RSRP1: variants seen among roughly 807,000 people sequenced by gnomAD.
The protein encoded by RSRP1 is arginine and serine rich protein 1, also known as arginine/serine-rich protein 1.
A neutral mutation model predicts 33.0 loss-of-function variants in RSRP1; 37 were observed. That is an observed-to-expected ratio of 1.12 (90% CI 0.86 to 1.48). The LOEUF is 1.48. RSRP1 is among the 40% of genes most tolerant of loss of function. The pLI is 0.00. For synonymous variants in RSRP1, 167 were observed against 158.7 expected (o/e 1.05, Z -0.40); for missense variants, 402 against 385.3 (o/e 1.04, Z -0.36).
rs1284797643 is a variant in RSRP1, at chr1:25,314,589, C to G, written c.-67+23389G>C. On this transcript the variant is annotated intron_variant, in intron 1 of 1. Coordinates refer to the RSRP1 transcript ENST00000561867. The stretch of plus-strand genomic sequence containing the variant: ...GCCCACTACAACCTCTGCCTCCCAG[C>G]TTCAAGCAATTCTCATACTTCATCC... 4.5e-5 allele frequency among the ~76,000 whole-genome samples: 6 copies of G among 132,898 alleles called. 1 individual carries two copies. Among genetic ancestry groups the G allele is most frequent in the South Asian group, 4.6e-4 (2 of 4,360 alleles). The allele number at this position is 132,898 out of a possible 152,430, so 87.2% of individuals were successfully genotyped here. A position where few individuals can be genotyped will look rare whatever the true frequency, so the allele number is the denominator to read the frequency against.
chr1:25,253,412 G>A (rs188192577), intron 1 of RSRP1: 143 of 152,480 alleles, frequency 9.4e-4, no homozygotes, highest in Non-Finnish European at 1.6e-3. Context: ...CGCTCTTATT[G>A]CCCAGGCTGC....
rs1487172949 is a variant in RSRP1 at position 25,301,715 on chromosome 1, C to T, written c.-67+36263G>A. On this transcript the variant is annotated intron_variant, in intron 1 of 1. Coordinates refer to the RSRP1 transcript ENST00000561867. ...AGCAGGGCGCTGCCCTTGGGCAGCACTTGGGTCTAACAGGACTAGCACACA... is the reference window on the plus strand; with the variant it reads ...AGCAGGGCGCTGCCCTTGGGCAGCATTTGGGTCTAACAGGACTAGCACACA... 7.0e-5 allele frequency: 96 copies of T among 1,363,520 alleles called. 25 individuals carry two copies. The highest frequency in any genetic ancestry group is 9.7e-5 in the Non-Finnish European group (94 of 965,110). The allele number at this position is 1,363,520 out of a possible 1,614,324, so 84.5% of individuals were successfully genotyped here.
upstream of RSRP1, chr1:25,247,879 G>A (rs1639613913): frequency 6.6e-6 from 1 of 152,484 alleles, no homozygotes; most frequent in South Asian, 2.1e-4. Context: ...CTCGGAGCTG[G>A]GGCCGTCTGA....
At chr1:25,294,000 T>G (rs561936968) in intron 1 of RSRP1, among the ~76,000 whole-genome samples, 1 of 132,052 alleles carries the variant, frequency 7.6e-6, no homozygotes, top group South Asian at 2.3e-4. Context: ...CTCTCAAACC[T>G]TTTCCTCAAA....
Position 25,331,005 on chromosome 1 carries a change from C to T in RSRP1, c.-67+6973G>A, listed in dbSNP as rs1485422243. ...TTGAGACAGAGTCTCGCTCTATCGCCCAGGCTGGAGTGCAGTGGCCCGATG... is the reference window on the plus strand; with the variant it reads ...TTGAGACAGAGTCTCGCTCTATCGCTCAGGCTGGAGTGCAGTGGCCCGATG... On this transcript the variant is annotated intron_variant, in intron 1 of 1. Coordinates refer to the RSRP1 transcript ENST00000561867. Among the ~76,000 whole-genome samples, 8 of 105,632 alleles carry T rather than the reference C, an allele frequency of 7.6e-5. 1 individual carries two copies. The highest frequency in any genetic ancestry group is 1.8e-4 in the Non-Finnish European group (8 of 44,536). 69.3% of individuals were successfully genotyped at this position (105,632 alleles called of 152,430 possible).
In RSRP1 at chr1:25,311,858, G is replaced by T. The variant is rs1229143931; in HGVS notation, c.-67+26120C>A. ...CACTAATTTTGCAGGTGTGCAGAATGCAAAAGCTGAGGGGGCATGCCTTCT... is the reference window on the plus strand; with the variant it reads ...CACTAATTTTGCAGGTGTGCAGAATTCAAAAGCTGAGGGGGCATGCCTTCT... On this transcript the variant is annotated intron_variant, in intron 1 of 1. Coordinates refer to the RSRP1 transcript ENST00000561867. Among the ~76,000 whole-genome samples the T allele has an allele frequency of 2.3e-5, 3 of 131,486 alleles. 1 individual carries two copies. Among genetic ancestry groups the T allele is most frequent in the Non-Finnish European group, 5.4e-5 (3 of 55,954 alleles). The allele number at this position is 131,486 out of a possible 152,430, so 86.3% of individuals were successfully genotyped here.
intron 1 of RSRP1, among the ~76,000 whole-genome samples, chr1:25,317,645 A>C (rs1644484096): frequency 7.4e-5 from 1 of 13,454 alleles, no homozygotes; most frequent in South Asian, 1.6e-3. Context: ...GTGTTCTTTT[A>C]GGGGGGTGGT....
Position 25,293,919 on chromosome 1 carries a change from TAAG to T in RSRP1, c.-67+44056_-67+44058del, listed in dbSNP as rs1008702098. Among the ~76,000 whole-genome samples, 38 of 132,040 alleles carry T rather than the reference TAAG, an allele frequency of 2.9e-4. 8 individuals are homozygous for T. Among genetic ancestry groups the T allele is most frequent in the African/African-American group, 8.6e-4 (33 of 38,422 alleles). 86.6% of individuals were successfully genotyped at this position (132,040 alleles called of 152,430 possible). ...ATGTTTAGTTATATTGTGAGTCTTA[TAAG>T]AAGCTGGGAGGCAACCCCATTAACT... On this transcript the variant is annotated intron_variant, in intron 1 of 1. Coordinates refer to the RSRP1 transcript ENST00000561867.
Position 25,242,472 on chromosome 1 carries a change from T to C in RSRP1, c.*117A>G, listed in dbSNP as rs1638913706. On this transcript the variant is annotated 3_prime_UTR_variant, in exon 5 of 5. Transcript: ENST00000243189. ...TGTTAAGTATTTACATCTTTTTGTG[T>C]TGGTTTTTAAATGCACAAGTACCCC... 2 of 645,422 alleles carry C rather than the reference T, an allele frequency of 3.1e-6. No homozygotes were observed. Among genetic ancestry groups the C allele is most frequent in the South Asian group, 4.2e-5 (2 of 47,374 alleles). The allele number at this position is 645,422 out of a possible 1,614,324, so 40.0% of individuals were successfully genotyped here. A position where few individuals can be genotyped will look rare whatever the true frequency, so the allele number is the denominator to read the frequency against.
intron 3 of RSRP1, chr1:25,244,058 C>CA: frequency 9.5e-7 from 1 of 1,055,952 alleles, no homozygotes. Flanking sequence ...TTAGATACAG[C>CA]ATTTTTTTTT....
rs1416601051 is a variant in RSRP1 at position 25,329,056 on chromosome 1, G to A, written c.-67+8922C>T. ...TGTTCGCGCAGGCACTGGAGTCAGA[G>A]AAAATGGAGTTGAATCCTTTCTCTG... On this transcript the variant is annotated intron_variant, in intron 1 of 1. Coordinates refer to the RSRP1 transcript ENST00000561867. 5 of 1,366,360 alleles carry A rather than the reference G, an allele frequency of 3.7e-6. 1 individual carries two copies. In the African/African-American group the frequency reaches 7.1e-5, roughly 19 times the overall value. 84.6% of individuals were successfully genotyped at this position (1,366,360 alleles called of 1,614,324 possible).
chr1:25,322,018 T>C, intron 1 of RSRP1: 4 of 897,530 alleles, frequency 4.5e-6, no homozygotes, highest in South Asian at 1.3e-5. Flanking sequence ...CTTAAAAACA[T>C]ACCTGAGTAT....
At chr1:25,289,275 A>T (rs1374009346) in intron 1 of RSRP1, among the ~76,000 whole-genome samples, 3 of 131,062 alleles carry the variant, frequency 2.3e-5, no homozygotes, top group African/African-American at 7.8e-5. Context: ...GCCCACTGAA[A>T]CCTCTGCCTC....
rs377175401 is a variant in RSRP1 at position 25,259,758 on chromosome 1, C to A, written c.-66-12729G>T. Among the ~76,000 whole-genome samples the A allele has an allele frequency of 8.5e-5, 13 of 152,186 alleles. No homozygotes were observed. In the East Asian group the frequency reaches 2.3e-3, roughly 27 times the overall value. On this transcript the variant is annotated intron_variant, in intron 1 of 1. Coordinates refer to the RSRP1 transcript ENST00000561867. ...TGGCCTCATGATCAGCCTGCCTCGGCCTCCCAAAGTGCTGGGATTACAGGT... is the reference window on the plus strand; with the variant it reads ...TGGCCTCATGATCAGCCTGCCTCGGACTCCCAAAGTGCTGGGATTACAGGT...
intron 1 of RSRP1, among the ~76,000 whole-genome samples, chr1:25,261,468 A>C (rs1640147267): frequency 2.0e-5 from 3 of 148,992 alleles, no homozygotes; most frequent in Non-Finnish European, 4.5e-5. Flanking sequence ...GCAGTGGTGC[A>C]ATCTCGGCTC....
rs181222010 is a variant in RSRP1, at chr1:25,320,585, G to A, written c.-67+17393C>T. Among the ~76,000 whole-genome samples the A allele has an allele frequency of 2.3e-5, 3 of 132,032 alleles. No individual in the cohort carries two copies. The East Asian group carries it at 5.9e-4, about 26-fold the overall frequency. 86.6% of individuals were successfully genotyped at this position (132,032 alleles called of 152,430 possible). ...TAAGCACTCGCCCATTCTTGTTAAC[G>A]ACACTGGAACTGATCATCCTTAATA... On this transcript the variant is annotated intron_variant, in intron 1 of 1. Coordinates refer to the RSRP1 transcript ENST00000561867.
chr1:25,305,583 T>TTTGTTGTTG lies in RSRP1; in HGVS notation c.-67+32386_-67+32394dup, dbSNP rs200713124. Reference sequence around the variant, plus strand: ...GGCTAATTTTCGTGTGTGTATGTATTTTGTTGTTGTTGTTGTTGTTGTTGT... The same window carrying TTTGTTGTTG: ...GGCTAATTTTCGTGTGTGTATGTATTTTGTTGTTGTTGTTGTTGTTGTTGTTGTTGTTGT... On this transcript the variant is annotated intron_variant, in intron 1 of 1. Coordinates refer to the RSRP1 transcript ENST00000561867. 2.8e-3 allele frequency among the ~76,000 whole-genome samples: 331 copies of TTTGTTGTTG among 118,916 alleles called. 37 individuals are homozygous for TTTGTTGTTG. Among genetic ancestry groups the TTTGTTGTTG allele is most frequent in the African/African-American group, 7.3e-3 (247 of 33,962 alleles). The allele number at this position is 118,916 out of a possible 152,430, so 78.0% of individuals were successfully genotyped here. A position where few individuals can be genotyped will look rare whatever the true frequency, so the allele number is the denominator to read the frequency against.
chr1:25,255,821 G>A lies in RSRP1; in HGVS notation c.-66-8792C>T, dbSNP rs570286418. Among the ~76,000 whole-genome samples the A allele has an allele frequency of 3.3e-5, 5 of 152,192 alleles. No individual in the cohort carries two copies. In the East Asian group the frequency reaches 7.7e-4, roughly 24 times the overall value. Reference sequence around the variant, plus strand: ...TAGATTCCTCGCATGCACAGAGTTCGCTCCTGTGGGAATCTAATGCTGCGG... The same window carrying A: ...TAGATTCCTCGCATGCACAGAGTTCACTCCTGTGGGAATCTAATGCTGCGG... On this transcript the variant is annotated intron_variant, in intron 1 of 1. Coordinates refer to the RSRP1 transcript ENST00000561867.
At chr1:25,284,624 C>T (rs748589594) in intron 1 of RSRP1, 1 of 1,389,140 alleles carries the variant, frequency 7.2e-7, no homozygotes, top group South Asian at 1.2e-5. Flanking sequence ...TTCCTCACCT[C>T]GAGTTTCCGG....
Sources: allele counts gnomAD v4.1 joint callset (sites outside exome capture counted in the v4.1 genomes callset), GRCh38; gene constraint gnomAD v4.1.1; transcripts MANE v1.5; gene names NCBI Gene and HGNC (gene_info 2026-07-23, HGNC 2026-07-21).